BABAM2: variants seen among roughly 807,000 people sequenced by gnomAD.
BABAM2 encodes the protein BRISC and BRCA1 A complex member 2, also known as BRISC and BRCA1-A complex member 2.
Under a neutral mutation model 54.7 loss-of-function variants are expected in BABAM2, and 31 were observed. The observed-to-expected ratio is 0.57, with a 90% CI of 0.43 to 0.77. BABAM2 has a LOEUF of 0.77. BABAM2 is among the 30% of genes least tolerant of loss of function. BABAM2 has a pLI of 0.00. For synonymous variants in BABAM2, 167 were observed against 162.9 expected, an observed-to-expected ratio of 1.03 and a Z score of -0.19; for missense variants, 364 against 455.8, an observed-to-expected ratio of 0.80 and a Z score of 1.83.
chr2:28,004,791 G>A (rs1325192862), intron 4 of BABAM2, among the ~76,000 whole-genome samples: 2 of 151,870 alleles, frequency 1.3e-5, no homozygotes, highest in Non-Finnish European at 2.9e-5. Context: ...CTGGGCTTAG[G>A]TGATCCCACC....
intron 6 of BABAM2, among the ~76,000 whole-genome samples, chr2:28,083,217 CT>C (rs1216947559): frequency 3.9e-5 from 6 of 152,184 alleles, no homozygotes; most frequent in Non-Finnish European, 7.3e-5. Flanking sequence ...TCTTCCACTC[CT>C]CCACATCTGT....
chr2:28,083,154 T>G (rs1320474092), intron 6 of BABAM2, among the ~76,000 whole-genome samples: 1 of 152,184 alleles, frequency 6.6e-6, no homozygotes, highest in Non-Finnish European at 1.5e-5. Context: ...ACTGCTCTGT[T>G]TCTAAAATAT....
intron 3 of BABAM2, among the ~76,000 whole-genome samples, chr2:27,961,181 G>T (rs17006396): frequency 6.6e-6 from 1 of 152,112 alleles, no homozygotes; most frequent in African/African-American, 2.4e-5. Context: ...TGAGACAAAG[G>T]CTCAGTTTCA....
chr2:28,174,294 G>T (rs925552833), intron 7 of BABAM2, among the ~76,000 whole-genome samples: 1 of 152,140 alleles, frequency 6.6e-6, no homozygotes, highest in Non-Finnish European at 1.5e-5. Context: ...ACCTGTCCTC[G>T]TGGAGATTCC....
chr2:28,270,842 C>A (rs4666050), intron 10 of BABAM2, among the ~76,000 whole-genome samples: 49,266 of 152,098 alleles, frequency 0.32, 9,807 homozygotes, highest in East Asian at 0.94. Flanking sequence ...AAATTTAAAC[C>A]AGTTCTCAAA....
intron 6 of BABAM2, among the ~76,000 whole-genome samples, chr2:28,116,751 G>A (rs1668648991): frequency 6.6e-6 from 1 of 152,200 alleles, no homozygotes. Context: ...AACTTATTGA[G>A]CACCTTCCTC....
intron 7 of BABAM2, among the ~76,000 whole-genome samples, chr2:28,155,389 A>T (rs1280689998): frequency 6.6e-6 from 1 of 152,146 alleles, no homozygotes; most frequent in Non-Finnish European, 1.5e-5. Context: ...AGAGAAAAGG[A>T]TAGGGAATTT....
At chr2:28,050,146 T>C (rs1449164511) in intron 6 of BABAM2, among the ~76,000 whole-genome samples, 2 of 152,228 alleles carry the variant, frequency 1.3e-5, no homozygotes, top group African/African-American at 4.8e-5. Flanking sequence ...TGTTGCCAGA[T>C]ATCCAGATGT....
At chr2:27,991,056 CA>C (rs1446953509) in intron 4 of BABAM2, among the ~76,000 whole-genome samples, 1 of 151,932 alleles carries the variant, frequency 6.6e-6, no homozygotes, top group African/African-American at 2.4e-5. Context: ...TCATAGATAG[CA>C]AAGGTAAACT....
At chr2:28,081,933 A>T (rs1430687167) in intron 6 of BABAM2, among the ~76,000 whole-genome samples, 1 of 152,254 alleles carries the variant, frequency 6.6e-6, no homozygotes, top group Non-Finnish European at 1.5e-5. Flanking sequence ...TCTACTATGC[A>T]TAAGAACTAA....
In BABAM2 at chr2:28,170,130, C is replaced by T. The variant is rs375704539; in HGVS notation, c.680+40750C>T. 5.9e-5 allele frequency among the ~76,000 whole-genome samples: 9 copies of T among 151,888 alleles called. No homozygotes were observed. The East Asian group carries it at 9.7e-4, about 16-fold the overall frequency. ...TTAAAATTTGAAATTTTATAAATAA[C>T]GTGTTTTATAATCTTAATTACAAAC... On this transcript the variant is annotated intron_variant, in intron 7 of 11. Coordinates refer to ENST00000379624, the MANE Select transcript of BABAM2 (RefSeq NM_199191.3).
At chr2:28,197,958 C>G (rs867805913) in intron 7 of BABAM2, among the ~76,000 whole-genome samples, 3 of 152,132 alleles carry the variant, frequency 2.0e-5, no homozygotes, top group African/African-American at 7.2e-5. Context: ...GAGACAGGAG[C>G]TAAATCCAAG....
intron 2 of BABAM2, among the ~76,000 whole-genome samples, chr2:27,901,530 A>C (rs1665797139): frequency 6.6e-6 from 1 of 152,220 alleles, no homozygotes; most frequent in Non-Finnish European, 1.5e-5. Flanking sequence ...ATAGATACTC[A>C]GTGTAAGTAC....
At chr2:27,977,217 G>C (rs1671666651) in intron 3 of BABAM2, among the ~76,000 whole-genome samples, 1 of 152,036 alleles carries the variant, frequency 6.6e-6, no homozygotes, top group African/African-American at 2.4e-5. Context: ...TATTATTATT[G>C]GTTAGACATT....
chr2:28,141,629 G>T (rs1284685063), intron 7 of BABAM2, among the ~76,000 whole-genome samples: 4 of 152,064 alleles, frequency 2.6e-5, no homozygotes, highest in Admixed American at 6.6e-5. Context: ...AGGCTCTAGG[G>T]TATTAAAACC....
chr2:28,270,726 T>C (rs1685353440), intron 10 of BABAM2, among the ~76,000 whole-genome samples: 1 of 152,188 alleles, frequency 6.6e-6, no homozygotes, highest in African/African-American at 2.4e-5. Context: ...ATCACACTAA[T>C]AGTTGTTATT....
chr2:27,968,061 CAT>C (rs1670950891), intron 3 of BABAM2, among the ~76,000 whole-genome samples: 1 of 152,108 alleles, frequency 6.6e-6, no homozygotes, highest in South Asian at 2.1e-4. Flanking sequence ...CAGAAATTTA[CAT>C]AAGTAATGAG....
At chr2:28,057,486 C>T (rs1233392886) in intron 6 of BABAM2, among the ~76,000 whole-genome samples, 3 of 152,058 alleles carry the variant, frequency 2.0e-5, no homozygotes, top group Non-Finnish European at 2.9e-5. Flanking sequence ...GTGATCACTA[C>T]AGGTGACCAT....
chr2:28,050,375 T>C (rs1677909291), intron 6 of BABAM2, among the ~76,000 whole-genome samples: 1 of 152,156 alleles, frequency 6.6e-6, no homozygotes, highest in Non-Finnish European at 1.5e-5. Context: ...TTTCTTCACT[T>C]TCCTTGATTT....
Sources: allele counts gnomAD v4.1 joint callset (sites outside exome capture counted in the v4.1 genomes callset), GRCh38; gene constraint gnomAD v4.1.1; transcripts MANE v1.5; gene names NCBI Gene and HGNC (gene_info 2026-07-23, HGNC 2026-07-21).